The following SERPINA12 variants were observed in gnomAD, a reference collection of about 807,000 sequenced individuals.
SERPINA12 encodes serpin family A member 12, also known as serpin A12.
SERPINA12 carries 21 observed loss-of-function variants against 25.9 expected under a neutral mutation model. The ratio of observed to expected loss-of-function variants is 0.81; its 90% confidence interval spans 0.58 to 1.17. The LOEUF (loss-of-function observed/expected upper bound fraction) is 1.17. Ranked by LOEUF, SERPINA12 falls within the 50% of genes most tolerant of loss-of-function variation. SERPINA12 has a pLI of 0.00. For synonymous variants in SERPINA12, 220 were observed against 196.0 expected (o/e 1.12, Z -1.02); for missense variants, 562 against 508.3 (o/e 1.11, Z -1.02).
intron 1 of SERPINA12, among the ~76,000 whole-genome samples, chr14:94,506,652 C>T (rs560338097): frequency 6.6e-6 from 1 of 152,334 alleles, no homozygotes; most frequent in African/African-American, 2.4e-5. Context: ...ATGGGAATAA[C>T]CTATTTCTAA....
chr14:94,498,973 G>T (rs1252157020), intron 1 of SERPINA12, among the ~76,000 whole-genome samples: 1 of 152,198 alleles, frequency 6.6e-6, no homozygotes, highest in Non-Finnish European at 1.5e-5. Context: ...GAGGTGGAAA[G>T]ACAGAAATGG....
chr14:94,490,293 G>A (rs759227908), intron 3 of SERPINA12, among the ~76,000 whole-genome samples: 14 of 152,154 alleles, frequency 9.2e-5, no homozygotes, highest in African/African-American at 1.7e-4. Context: ...GGCAAATGCA[G>A]ACAAGGCACT....
intron 1 of SERPINA12, among the ~76,000 whole-genome samples, chr14:94,501,907 G>A (rs2139857799): frequency 6.6e-6 from 1 of 152,208 alleles, no homozygotes; most frequent in South Asian, 2.1e-4. Context: ...TTAGATGCCT[G>A]AGTAGGCTAA....
chr14:94,500,068 A>G (rs1330944567), intron 1 of SERPINA12, among the ~76,000 whole-genome samples: 1 of 152,198 alleles, frequency 6.6e-6, no homozygotes, highest in Non-Finnish European at 1.5e-5. Context: ...TGGCTGAATA[A>G]GCAGATGAAT....
upstream of SERPINA12, among the ~76,000 whole-genome samples, chr14:94,510,550 G>A (rs944740519): frequency 1.3e-4 from 20 of 152,344 alleles, no homozygotes; most frequent in Non-Finnish European, 2.4e-4. Context: ...ACAGTATGGA[G>A]ATTCCTTAAG....
intron 1 of SERPINA12, among the ~76,000 whole-genome samples, chr14:94,499,414 C>T (rs1037421406): frequency 6.6e-6 from 1 of 152,188 alleles, no homozygotes; most frequent in Admixed American, 6.5e-5. Flanking sequence ...TAATCTCCAG[C>T]CCTAATTCTG....
intron 1 of SERPINA12, chr14:94,500,850 A>C (rs751606435): frequency 5.1e-6 from 5 of 985,260 alleles, no homozygotes; most frequent in Non-Finnish European, 6.0e-6. Flanking sequence ...CTTGAAGCCA[A>C]AAACATCCTC....
rs772392567 is a variant in SERPINA12, at chr14:94,497,838, C to T, written c.560G>A (p.Gly187Glu). The change falls in exon 2 of 5, where the codon GGG (glycine) becomes GAG (glutamate). Residue 187 changes from glycine (G) to glutamate (E), a missense_variant. Coordinates refer to ENST00000677451, the MANE Select transcript of SERPINA12 (RefSeq NM_001382267.1). The stretch of plus-strand genomic sequence containing the variant: ...ATTCTCGATCAGGTTGTTAATTTTC[C>T]CATGGGTTTTTTGACTGATAAAGTC... ...INDFISQKTHGKINNLIENID... is the reference protein window; with the variant it reads ...INDFISQKTHEKINNLIENID... The T allele has an allele frequency of 3.7e-6, 6 of 1,613,944 alleles. No homozygotes were observed. The highest frequency in any genetic ancestry group is 1.1e-5 in the South Asian group (1 of 91,064).
intron 4 of SERPINA12, among the ~76,000 whole-genome samples, chr14:94,488,873 T>C (rs186914486): frequency 6.6e-6 from 1 of 152,320 alleles, no homozygotes; most frequent in East Asian, 1.9e-4. Flanking sequence ...GGTGGGTGGA[T>C]GACCTGAGGT....
At chr14:94,511,151 G>A (rs113870065), upstream of SERPINA12, among the ~76,000 whole-genome samples, 426 of 152,168 alleles carry the variant, frequency 2.8e-3, 5 homozygotes, top group African/African-American at 9.8e-3. Context: ...CTGCAAAAAA[G>A]CCCATAATTT....
chr14:94,494,569 C>A (rs1024980638), intron 3 of SERPINA12, among the ~76,000 whole-genome samples: 1 of 152,176 alleles, frequency 6.6e-6, no homozygotes, highest in African/African-American at 2.4e-5. Flanking sequence ...CCGCCCCTCC[C>A]ACTGGGAACA....
chr14:94,496,272 G>T, intron 3 of SERPINA12, 101 bp downstream of exon 3: 1 of 1,130,532 alleles, frequency 8.8e-7, no homozygotes. Context: ...TTATTATAGA[G>T]CCCAGAAGAG....
At chr14:94,493,839 G>A (rs1900282350) in intron 3 of SERPINA12, among the ~76,000 whole-genome samples, 1 of 152,234 alleles carries the variant, frequency 6.6e-6, no homozygotes, top group Non-Finnish European at 1.5e-5. Context: ...AGGTGCAAAA[G>A]GAGATGAAGC....
At chr14:94,490,470 T>C (rs1900128064) in intron 3 of SERPINA12, among the ~76,000 whole-genome samples, 1 of 151,962 alleles carries the variant, frequency 6.6e-6, no homozygotes, top group Admixed American at 6.5e-5. Flanking sequence ...CCTTGCACCC[T>C]ATTTTCCCAC....
rs34519784 is a variant in SERPINA12 at position 94,487,368 on chromosome 14, T to C, written c.1180A>G (p.Ile394Val). Residue 394 changes from isoleucine (I) to valine (V), a missense_variant, in exon 5 of 5, where the codon ATT becomes GTT. Physicochemically the swap from Ile to Val is conservative, Grantham distance 29 (BLOSUM62 3). Coordinates refer to ENST00000677451, the MANE Select transcript of SERPINA12 (RefSeq NM_001382267.1). ...ACGGAAGGTATTTTCTCGCTGTAAA[T>C]CAGCAGCAGATAGGGTTTGTCTATC... ...VKIDKPYLLL[I>V]YSEKIPSVLF... The C allele has an allele frequency of 3.7e-3, 5,958 of 1,614,108 alleles. 186 individuals carry two copies. In the African/African-American group the frequency reaches 0.068, roughly 19 times the overall value.
rs1189807751 is a variant in SERPINA12, at chr14:94,497,977, C to G, written c.421G>C (p.Asp141His). 1 of 1,614,120 alleles carries G rather than the reference C, an allele frequency of 6.2e-7. No homozygotes were observed. The highest frequency in any genetic ancestry group is 8.5e-7 in the Non-Finnish European group (1 of 1,180,028). The change falls in exon 2 of 5, where the codon GAC becomes CAC. Residue 141 changes from aspartate (D) to histidine (H), a missense_variant. Coordinates refer to ENST00000677451, the MANE Select transcript of SERPINA12 (RefSeq NM_001382267.1). ...KLSIGNTLFI[D>H]QRLQPQRKFL... ...TTACGCTGTGGCTGCAGCCTCTGGT[C>G]AATGAACAGCGTGTTCCCAATGCTC... is the stretch of plus-strand genomic sequence containing the variant.
chr14:94,496,465 G>T lies in SERPINA12; in HGVS notation c.813C>A (p.Ile271=). 1 of 1,614,214 alleles carries T rather than the reference G, an allele frequency of 6.2e-7. No homozygotes were observed. Among genetic ancestry groups the T allele is most frequent in the Non-Finnish European group, 8.5e-7 (1 of 1,180,032 alleles). The part of the protein sequence containing the change: ...EIPYQKNITA[I]FILPDEGKLK... ...GCTTGCCCTCATCAGGAAGGATGAAGATGGCTGTGATATTTTTCTGGTAGG... is the reference window on the plus strand; with the variant it reads ...GCTTGCCCTCATCAGGAAGGATGAATATGGCTGTGATATTTTTCTGGTAGG... The change falls in exon 3 of 5, where the codon ATC becomes ATA. Residue 271 remains isoleucine, a synonymous_variant. Coordinates refer to ENST00000677451, the MANE Select transcript of SERPINA12 (RefSeq NM_001382267.1).
rs751687674 is a variant in SERPINA12 at position 94,487,318 on chromosome 14, G to T, written c.1230C>A (p.Asn410Lys). 4.3e-6 allele frequency: 7 copies of T among 1,613,658 alleles called. No homozygotes were observed. Among genetic ancestry groups the T allele is most frequent in the Middle Eastern group, 1.6e-4 (1 of 6,080 alleles). ...PSVLFLGKIV[N>K]PIGK ...GAATTCTCCTTTATTTTCCAATAGG[G>T]TTAACAATCTTTCCCAGGAAGAGCA... The change falls in exon 5 of 5, where the codon AAC (asparagine) becomes AAA (lysine). Residue 410 changes from asparagine to lysine, a missense_variant. By Grantham distance (94) the Asn-to-Lys change is moderately conservative. Coordinates refer to ENST00000677451, the MANE Select transcript of SERPINA12 (RefSeq NM_001382267.1).
intron 2 of SERPINA12, among the ~76,000 whole-genome samples, chr14:94,497,198 T>C: frequency 6.6e-6 from 1 of 152,208 alleles, no homozygotes; most frequent in East Asian, 1.9e-4. Context: ...CATTCTTCCA[T>C]CTTTTTTTTC....
Sources: allele counts gnomAD v4.1 joint callset (sites outside exome capture counted in the v4.1 genomes callset), GRCh38; gene constraint gnomAD v4.1.1; transcripts MANE v1.5; gene names NCBI Gene and HGNC (gene_info 2026-07-23, HGNC 2026-07-21).